The following IL17RB variants were observed in gnomAD, a reference collection of about 807,000 sequenced individuals.
The protein encoded by IL17RB is interleukin 17 receptor B, also known as interleukin-17 receptor B.
In IL17RB, 36 loss-of-function variants were observed where a neutral mutation model predicts 43.9. The ratio of observed to expected loss-of-function variants is 0.82; its 90% CI spans 0.63 to 1.08. The LOEUF (loss-of-function observed/expected upper bound fraction) is 1.08. Among genes scored for constraint, IL17RB ranks in the 50% least tolerant of loss-of-function variants. The pLI is 0.00. For missense variants in IL17RB, 613 were observed against 613.6 expected, an observed-to-expected ratio of 1.00 and a Z score of 0.01; for synonymous variants, 225 against 225.4, an observed-to-expected ratio of 1.00 and a Z score of 0.02.
At chr3:53,853,108 C>T (rs962530984) in intron 5 of IL17RB, 111 bp downstream of exon 5, 1 of 1,215,262 alleles carries the variant, frequency 8.2e-7, no homozygotes, top group Non-Finnish European at 1.2e-6. Context: ...CTTGCTAAAT[C>T]TCAGTTCCCT....
intron 10 of IL17RB, 44 bp from the exon 11 acceptor site, chr3:53,864,702 C>A: frequency 7.2e-7 from 1 of 1,382,434 alleles, no homozygotes; most frequent in Non-Finnish European, 1.0e-6. Context: ...TGAAAGCCTG[C>A]TGTTTGCTGT....
At chr3:53,858,466 C>A (rs1259524261) in intron 8 of IL17RB, 1 of 1,304,418 alleles carries the variant, frequency 7.7e-7, no homozygotes. Context: ...TTTAGGTAAG[C>A]GAACTGGTAT....
At chr3:53,846,725 C>T (rs1379828202) in intron 1 of IL17RB, 77 bp downstream of exon 1, 7 of 1,438,492 alleles carry the variant, frequency 4.9e-6, no homozygotes, top group African/African-American at 2.9e-5. Flanking sequence ...ATCCGCCAGT[C>T]CAGGCTGCCC....
At chr3:53,857,981 C>T (rs1169924029) in intron 8 of IL17RB, 1 of 372,828 alleles carries the variant, frequency 2.7e-6, no homozygotes, top group Non-Finnish European at 5.0e-6. Flanking sequence ...CATTTTACTT[C>T]CGCAAGCCTT....
intron 1 of IL17RB, among the ~76,000 whole-genome samples, chr3:53,847,964 G>T (rs943593547): frequency 1.3e-5 from 2 of 152,214 alleles, no homozygotes; most frequent in Admixed American, 1.3e-4. Context: ...GCTGCTGGAC[G>T]TATCACATTG....
chr3:53,852,722 G>A, intron 4 of IL17RB, 149 bp from the exon 5 acceptor site: 1 of 633,846 alleles, frequency 1.6e-6, no homozygotes, highest in Non-Finnish European at 2.7e-6. Flanking sequence ...AAATTGTTTA[G>A]TGCCCATTCC....
rs375781273 is a variant in IL17RB at position 53,865,333 on chromosome 3, T to C, written c.*25T>C. ...GCCCACCCATGAGAAGCAAGAGACCTTAAAGGCTTCCTATCCCACCAATTA... is the reference window on the plus strand; with the variant it reads ...GCCCACCCATGAGAAGCAAGAGACCCTAAAGGCTTCCTATCCCACCAATTA... On this transcript the variant is annotated 3_prime_UTR_variant, in exon 11 of 11. Coordinates refer to ENST00000288167, the MANE Select transcript of IL17RB (RefSeq NM_018725.4). The C allele has an allele frequency of 3.8e-6, 6 of 1,566,262 alleles. No homozygotes were observed. In the East Asian group the frequency reaches 6.7e-5, roughly 18 times the overall value.
intron 6 of IL17RB, 149 bp from the exon 7 acceptor site, chr3:53,856,695 C>T: frequency 1.4e-6 from 1 of 709,524 alleles, no homozygotes; most frequent in South Asian, 1.9e-5. Flanking sequence ...ACTTTGGAAA[C>T]AATGATAAAA....
At chr3:53,853,700 T>C (rs1699237079) in intron 5 of IL17RB, among the ~76,000 whole-genome samples, 1 of 131,140 alleles carries the variant, frequency 7.6e-6, no homozygotes, top group Admixed American at 9.5e-5. Context: ...ACCACCATCC[T>C]GTCATCTGTC....
chr3:53,853,904 A>T lies in IL17RB; in HGVS notation c.481+907A>T, dbSNP rs9835258. Among the ~76,000 whole-genome samples, 411 of 151,762 alleles carry T rather than the reference A, an allele frequency of 2.7e-3. 2 individuals are homozygous for T. Among genetic ancestry groups the T allele is most frequent in the African/African-American group, 9.3e-3 (383 of 41,404 alleles). Reference sequence around the variant, plus strand: ...CTTTTATTTTATTATTTATTTATTTATTTATTTTTTAGACGGGGTTTTGCT... The same window carrying T: ...CTTTTATTTTATTATTTATTTATTTTTTTATTTTTTAGACGGGGTTTTGCT... On this transcript the variant is annotated intron_variant, in intron 5 of 10. Coordinates refer to ENST00000288167, the MANE Select transcript of IL17RB (RefSeq NM_018725.4).
In IL17RB at chr3:53,860,213, C is replaced by G; in HGVS notation, c.931C>G (p.Leu311Val). The G allele has an allele frequency of 6.2e-7, 1 of 1,613,146 alleles. No individual in the cohort carries two copies. The highest frequency in any genetic ancestry group is 1.7e-4 in the Middle Eastern group (1 of 5,986). ...ATGGGTGCTGGTGGCAGGGATCTAT[C>G]TAATGTGGAGGCACGGTAAGGGTTA... ...ATWVLVAGIY[L>V]MWRHERIKKT... Residue 311 changes from leucine (L) to valine (V), a missense_variant, in exon 10 of 11, where the codon CTA (leucine) becomes GTA (valine). Leu to Val is a conservative substitution (Grantham distance 32). Coordinates refer to ENST00000288167, the MANE Select transcript of IL17RB (RefSeq NM_018725.4).
At chr3:53,858,198 T>G (rs1219611014) in intron 8 of IL17RB, 1 of 255,258 alleles carries the variant, frequency 3.9e-6, no homozygotes, top group Non-Finnish European at 6.4e-6. Context: ...GGAGGTCCAG[T>G]GGGACACAGC....
In IL17RB at chr3:53,855,304, C is replaced by T. The variant is rs770187616; in HGVS notation, c.492C>T (p.Asp164=). The part of the protein sequence containing the change: ...SVNFTSPGCL[D]HIMKYKKKCV... Reference sequence around the variant, plus strand: ...CATTCAAATTTCCAGGCTGCCTAGACCACATAATGAAATATAAAAAAAAGT... The same window carrying T: ...CATTCAAATTTCCAGGCTGCCTAGATCACATAATGAAATATAAAAAAAAGT... Residue 164 remains aspartate (D), a synonymous_variant, in exon 6 of 11, where the codon GAC becomes GAT. Coordinates refer to ENST00000288167, the MANE Select transcript of IL17RB (RefSeq NM_018725.4). 1.2e-6 allele frequency: 2 copies of T among 1,606,834 alleles called. No individual in the cohort carries two copies. The highest frequency in any genetic ancestry group is 8.5e-7 in the Non-Finnish European group (1 of 1,174,820).
rs554509349 is a variant in IL17RB at position 53,848,526 on chromosome 3, G to A, written c.61-138G>A. ...TAGTTCCCCCCTAAGCTGTGAAGCA[G>A]AACCAGTTCATCTTTTCTTTGAAAG... On this transcript the variant is annotated intron_variant, in intron 1 of 10. Coordinates refer to ENST00000288167, the MANE Select transcript of IL17RB (RefSeq NM_018725.4). 1.5e-5 allele frequency: 13 copies of A among 860,844 alleles called. No individual in the cohort carries two copies. In the South Asian group the frequency reaches 1.8e-4, roughly 12 times the overall value. 53.3% of individuals were successfully genotyped at this position (860,844 alleles called of 1,614,324 possible).
rs1304578884 is a variant in IL17RB at position 53,855,343 on chromosome 3, T to A, written c.529+2T>A. On this transcript the variant is annotated splice_donor_variant, in intron 6 of 10. Coordinates refer to ENST00000288167, the MANE Select transcript of IL17RB (RefSeq NM_018725.4). LOFTEE classifies it high-confidence loss of function. ...ATAAAAAAAAGTGTGTCAAGGCCGG[T>A]AAGTAAATACGGCATTTGCTTTTAT... 6.3e-7 allele frequency: 1 copy of A among 1,592,996 alleles called. No individual in the cohort carries two copies. Among genetic ancestry groups the A allele is most frequent in the East Asian group, 2.2e-5 (1 of 44,782 alleles).
At chr3:53,851,456 G>A (rs530891440) in intron 3 of IL17RB, among the ~76,000 whole-genome samples, 10 of 152,214 alleles carry the variant, frequency 6.6e-5, no homozygotes, top group Non-Finnish European at 1.5e-4. Flanking sequence ...GGCACAGAGT[G>A]AGCTCTTTGT....
intron 6 of IL17RB, among the ~76,000 whole-genome samples, chr3:53,856,297 CGACT>C (rs2107016222): frequency 6.6e-6 from 1 of 152,330 alleles, no homozygotes; most frequent in Non-Finnish European, 1.5e-5. Flanking sequence ...ATGAATGAAA[CGACT>C]GACTTTTTCT....
At chr3:53,847,031 T>C (rs1421782956) in intron 1 of IL17RB, among the ~76,000 whole-genome samples, 1 of 152,224 alleles carries the variant, frequency 6.6e-6, no homozygotes, top group African/African-American at 2.4e-5. Context: ...GCTCACCTGT[T>C]GGGGCACAAG....
At position 53,865,178 on chromosome 3, in the gene IL17RB, TCA is replaced by T. The variant is rs774234346; in HGVS notation, c.1380_1381del (p.Ser461CysfsTer46). 6.2e-7 allele frequency: 1 copy of T among 1,614,160 alleles called. No individual in the cohort carries two copies. Among genetic ancestry groups the T allele is most frequent in the South Asian group, 1.1e-5 (1 of 91,078 alleles). ...GATACAAAAGACGATTACAATGCTC[TCA>T]GTGTCTGCCCCAAGTACCACCTCAT... On this transcript the variant is annotated frameshift_variant, in exon 11 of 11. Transcript: ENST00000288167. LOFTEE classifies it low-confidence loss of function (END_TRUNC).
Sources: allele counts gnomAD v4.1 joint callset (sites outside exome capture counted in the v4.1 genomes callset), GRCh38; gene constraint gnomAD v4.1.1; transcripts MANE v1.5; gene names NCBI Gene and HGNC (gene_info 2026-07-23, HGNC 2026-07-21).